SPRR1B: variants seen among roughly 807,000 people sequenced by gnomAD.
SPRR1B encodes small proline rich protein 1B, also known as cornifin-B.
In SPRR1B, 1 loss-of-function variant was observed where a neutral mutation model predicts 1.2. That is an observed-to-expected ratio of 0.82 (90% CI 0.29 to 3.89). SPRR1B has a LOEUF of 3.89. Ranked by LOEUF, SPRR1B falls within the 30% of genes most tolerant of loss-of-function variation. SPRR1B has a pLI of 0.18. For synonymous variants in SPRR1B, 37 were observed against 38.3 expected, an observed-to-expected ratio of 0.97 and a Z score of 0.13; for missense variants, 102 against 106.0, an observed-to-expected ratio of 0.96 and a Z score of 0.17.
At chr1:153,031,507 G>A (rs1653706712) in intron 1 of SPRR1B, among the ~76,000 whole-genome samples, 1 of 152,128 alleles carries the variant, frequency 6.6e-6, no homozygotes, top group African/African-American at 2.4e-5. Flanking sequence ...TTTATTCAAG[G>A]ATCCATAGTA....
intron 1 of SPRR1B, among the ~76,000 whole-genome samples, 175 bp from the exon 2 acceptor site, chr1:153,032,152 T>C (rs1653725899): frequency 6.6e-6 from 1 of 152,106 alleles, no homozygotes; most frequent in African/African-American, 2.4e-5. Flanking sequence ...CCTGCTCCAG[T>C]GGAGCAAGAG....
chr1:153,032,277 A>G, intron 1 of SPRR1B, 50 bp from the exon 2 acceptor site: 1 of 1,553,986 alleles, frequency 6.4e-7, no homozygotes, highest in East Asian at 2.3e-5. Flanking sequence ...GGTATTCACC[A>G]TGGCTTCTTC....
chr1:153,032,391 C>A lies in SPRR1B; in HGVS notation c.46C>A (p.Leu16Ile), dbSNP rs376701735. The A allele has an allele frequency of 2.0e-4, 320 of 1,613,836 alleles. No homozygotes were observed. The highest frequency in any genetic ancestry group is 2.6e-4 in the Non-Finnish European group (301 of 1,179,948). The change falls in exon 2 of 2, where the codon CTT becomes ATT. Residue 16 changes from leucine (L) to isoleucine (I), a missense_variant. By Grantham distance (5) the Leu-to-Ile change is conservative. Coordinates refer to ENST00000307098, the MANE Select transcript of SPRR1B (RefSeq NM_003125.3). ...GCAGCCTTGCACCCCACCCCCTCAGCTTCAGCAGCAGCAGGTGAAACAGCC... is the reference window on the plus strand; with the variant it reads ...GCAGCCTTGCACCCCACCCCCTCAGATTCAGCAGCAGCAGGTGAAACAGCC... ...QKQPCTPPPQ[L>I]QQQQVKQPCQ...
chr1:153,032,733 T>G lies in SPRR1B; in HGVS notation c.*118T>G. The G allele has an allele frequency of 6.7e-7, 1 of 1,485,170 alleles. No homozygotes were observed. Among genetic ancestry groups the G allele is most frequent in the Non-Finnish European group, 9.0e-7 (1 of 1,112,564 alleles). 92.0% of individuals were successfully genotyped at this position (1,485,170 alleles called of 1,614,324 possible). A position where few individuals can be genotyped will look rare whatever the true frequency, so the allele number is the denominator to read the frequency against. On this transcript the variant is annotated 3_prime_UTR_variant, in exon 2 of 2. Transcript: ENST00000307098. ...GCATTCTGTCTCCCCCAAAAAAGAATGTGCTATGAAGCTTTCTTTCCTACA... is the reference window on the plus strand; with the variant it reads ...GCATTCTGTCTCCCCCAAAAAAGAAGGTGCTATGAAGCTTTCTTTCCTACA...
At chr1:153,032,210 A>T in intron 1 of SPRR1B, 117 bp from the exon 2 acceptor site, 3 of 1,277,692 alleles carry the variant, frequency 2.3e-6, no homozygotes, top group South Asian at 1.5e-5. Flanking sequence ...AAATTAAATT[A>T]AGTATTCTTT....
Position 153,032,550 on chromosome 1 carries a change from G to T in SPRR1B, c.205G>T (p.Val69Leu), listed in dbSNP as rs766707340. The change falls in exon 2 of 2, where the codon GTG (valine) becomes TTG (leucine). Residue 69 changes from valine to leucine, a missense_variant. By Grantham distance (32) the Val-to-Leu change is conservative. Transcript: ENST00000307098. Reference protein sequence around the residue: ...PKVPEPCHPKVPEPCPSIVTP... With the variant: ...PKVPEPCHPKLPEPCPSIVTP... Reference sequence around the variant, plus strand: ...GGTTCCAGAGCCATGCCACCCCAAGGTGCCTGAGCCCTGCCCTTCAATAGT... The same window carrying T: ...GGTTCCAGAGCCATGCCACCCCAAGTTGCCTGAGCCCTGCCCTTCAATAGT... 6.2e-7 allele frequency: 1 copy of T among 1,612,096 alleles called. No homozygotes were observed. The highest frequency in any genetic ancestry group is 8.5e-7 in the Non-Finnish European group (1 of 1,178,738).
intron 1 of SPRR1B, among the ~76,000 whole-genome samples, chr1:153,031,652 T>G (rs1044545099): frequency 6.6e-6 from 1 of 152,246 alleles, no homozygotes; most frequent in Non-Finnish European, 1.5e-5. Context: ...TTACTATATT[T>G]GGCAATTTGT....
In SPRR1B at chr1:153,032,441, A is replaced by C; in HGVS notation, c.96A>C (p.Pro32=). 3.7e-6 allele frequency: 6 copies of C among 1,613,834 alleles called. No homozygotes were observed. Among genetic ancestry groups the C allele is most frequent in the Non-Finnish European group, 5.1e-6 (6 of 1,179,952 alleles). Residue 32 remains proline, a synonymous_variant, in exon 2 of 2, where the codon CCA becomes CCC. Coordinates refer to ENST00000307098, the MANE Select transcript of SPRR1B (RefSeq NM_003125.3). Reference sequence around the variant, plus strand: ...CTTGCCAGCCTCCACCTCAGGAACCATGCATCCCCAAAACCAAGGAGCCCT... The same window carrying C: ...CTTGCCAGCCTCCACCTCAGGAACCCTGCATCCCCAAAACCAAGGAGCCCT... The part of the protein sequence containing the change: ...KQPCQPPPQE[P]CIPKTKEPCH...
chr1:153,032,854 A>G lies in SPRR1B; in HGVS notation c.*239A>G. On this transcript the variant is annotated 3_prime_UTR_variant, in exon 2 of 2. Coordinates refer to ENST00000307098, the MANE Select transcript of SPRR1B (RefSeq NM_003125.3). Reference sequence around the variant, plus strand: ...TGAAGAGAGACTTAAGATGAAAGCAAATGATTCAGCTCCCTTATACCCCCA... The same window carrying G: ...TGAAGAGAGACTTAAGATGAAAGCAGATGATTCAGCTCCCTTATACCCCCA... 1.4e-6 allele frequency: 1 copy of G among 711,766 alleles called. No individual in the cohort carries two copies. The highest frequency in any genetic ancestry group is 2.3e-5 in the South Asian group (1 of 43,182). The allele number at this position is 711,766 out of a possible 1,614,324, so 44.1% of individuals were successfully genotyped here. A position where few individuals can be genotyped will look rare whatever the true frequency, so the allele number is the denominator to read the frequency against.
intron 1 of SPRR1B, among the ~76,000 whole-genome samples, chr1:153,031,619 T>C (rs1171999647): frequency 6.6e-6 from 1 of 152,256 alleles, no homozygotes; most frequent in African/African-American, 2.4e-5. Flanking sequence ...TTTTATTCTT[T>C]CAACAGATAC....
Position 153,032,704 on chromosome 1 carries a change from A to G in SPRR1B, c.*89A>G. On this transcript the variant is annotated 3_prime_UTR_variant, in exon 2 of 2. Transcript: ENST00000307098. ...GCGTATGAGTCCCATTTGCCTTGCA[A>G]TTAGCATTCTGTCTCCCCCAAAAAA... The G allele has an allele frequency of 6.5e-7, 1 of 1,531,512 alleles. No individual in the cohort carries two copies. Among genetic ancestry groups the G allele is most frequent in the Non-Finnish European group, 8.8e-7 (1 of 1,139,978 alleles). 94.9% of individuals were successfully genotyped at this position (1,531,512 alleles called of 1,614,324 possible).
At chr1:153,032,255 GA>G in intron 1 of SPRR1B, 71 bp from the exon 2 acceptor site, 1 of 1,493,598 alleles carries the variant, frequency 6.7e-7, no homozygotes, top group Admixed American at 2.2e-5. Flanking sequence ...AGCTTTTTAA[GA>G]GACCAGAAGT....
rs1042443634 is a variant in SPRR1B at position 153,032,842 on chromosome 1, A to T, written c.*227A>T. ...TCAGAATTCATCTGAAGAGAGACTT[A>T]AGATGAAAGCAAATGATTCAGCTCC... On this transcript the variant is annotated 3_prime_UTR_variant, in exon 2 of 2. Coordinates refer to ENST00000307098, the MANE Select transcript of SPRR1B (RefSeq NM_003125.3). 1.3e-6 allele frequency: 1 copy of T among 779,182 alleles called. No individual in the cohort carries two copies. The highest frequency in any genetic ancestry group is 2.0e-6 in the Non-Finnish European group (1 of 500,022). The allele number at this position is 779,182 out of a possible 1,614,324, so 48.3% of individuals were successfully genotyped here. A position where few individuals can be genotyped will look rare whatever the true frequency, so the allele number is the denominator to read the frequency against.
At chr1:153,032,037 T>C (rs63237562) in intron 1 of SPRR1B, among the ~76,000 whole-genome samples, 2 of 141,758 alleles carry the variant, frequency 1.4e-5, no homozygotes, top group African/African-American at 5.2e-5. Flanking sequence ...GTTTTTTTTT[T>C]CCAAAGAACC....
In SPRR1B at chr1:153,032,589, G is replaced by A; in HGVS notation, c.244G>A (p.Ala82Thr). The change falls in exon 2 of 2, where the codon GCC becomes ACC. Residue 82 changes from alanine to threonine, a missense_variant. Physicochemically the swap from Ala to Thr is moderately conservative, Grantham distance 58. Coordinates refer to ENST00000307098, the MANE Select transcript of SPRR1B (RefSeq NM_003125.3). ...PCPSIVTPAP[A>T]QQKTKQK ...CCCTTCAATAGTCACTCCAGCACCAGCCCAGCAGAAGACCAAGCAGAAGTA... is the reference window on the plus strand; with the variant it reads ...CCCTTCAATAGTCACTCCAGCACCAACCCAGCAGAAGACCAAGCAGAAGTA... 6.2e-7 allele frequency: 1 copy of A among 1,613,920 alleles called. No homozygotes were observed. Among genetic ancestry groups the A allele is most frequent in the Non-Finnish European group, 8.5e-7 (1 of 1,179,984 alleles).
intron 1 of SPRR1B, among the ~76,000 whole-genome samples, chr1:153,031,517 A>G (rs1653707162): frequency 6.6e-6 from 1 of 152,190 alleles, no homozygotes; most frequent in Admixed American, 6.5e-5. Flanking sequence ...GATCCATAGT[A>G]AGTTTGTAAT....
chr1:153,032,420 C>T lies in SPRR1B; in HGVS notation c.75C>T (p.Cys25=). The T allele has an allele frequency of 2.5e-6, 4 of 1,613,950 alleles. No homozygotes were observed. Among genetic ancestry groups the T allele is most frequent in the Non-Finnish European group, 3.4e-6 (4 of 1,180,000 alleles). Residue 25 remains cysteine, a synonymous_variant, in exon 2 of 2, where the codon TGC becomes TGT. Coordinates refer to ENST00000307098, the MANE Select transcript of SPRR1B (RefSeq NM_003125.3). ...QLQQQQVKQP[C]QPPPQEPCIP... ...AGCAGCAGCAGGTGAAACAGCCTTG[C>T]CAGCCTCCACCTCAGGAACCATGCA...
rs1653749653 is a variant in SPRR1B at position 153,032,831 on chromosome 1, AAG to A, written c.*222_*223del. ...TTTTCAGCTGCTCAGAATTCATCTG[AAG>A]AGAGACTTAAGATGAAAGCAAATGA... On this transcript the variant is annotated 3_prime_UTR_variant, in exon 2 of 2. Transcript: ENST00000307098. 3.5e-6 allele frequency: 3 copies of A among 863,290 alleles called. No individual in the cohort carries two copies. Among genetic ancestry groups the A allele is most frequent in the Non-Finnish European group, 5.2e-6 (3 of 573,708 alleles). The allele number at this position is 863,290 out of a possible 1,614,324, so 53.5% of individuals were successfully genotyped here. A position where few individuals can be genotyped will look rare whatever the true frequency, so the allele number is the denominator to read the frequency against.
intron 1 of SPRR1B, among the ~76,000 whole-genome samples, chr1:153,031,492 G>T (rs17880654): frequency 0.014 from 2,115 of 152,234 alleles, 48 homozygotes; most frequent in African/African-American, 0.044. Context: ...CAAGAAGGGG[G>T]TTGGTTTATT....
Sources: allele counts gnomAD v4.1 joint callset (sites outside exome capture counted in the v4.1 genomes callset), GRCh38; gene constraint gnomAD v4.1.1; transcripts MANE v1.5; gene names NCBI Gene and HGNC (gene_info 2026-07-23, HGNC 2026-07-21).